STK32A: variants seen among roughly 807,000 people sequenced by gnomAD.
STK32A encodes the protein serine/threonine-protein kinase 32A.
STK32A carries 41 observed loss-of-function variants against 53.2 expected under a neutral mutation model. The observed-to-expected ratio is 0.77, with a 90% CI of 0.60 to 1.00. STK32A has a LOEUF of 1.00. STK32A is among the 50% of genes least tolerant of loss of function. The pLI is 0.00. For missense variants in STK32A, 458 were observed against 485.8 expected (o/e 0.94, Z 0.54); for synonymous variants, 166 against 162.8 (o/e 1.02, Z -0.15).
At chr5:147,292,992 A>G (rs1752676976) in intron 4 of STK32A, among the ~76,000 whole-genome samples, 1 of 152,236 alleles carries the variant, frequency 6.6e-6, no homozygotes, top group Non-Finnish European at 1.5e-5. Flanking sequence ...AAGTTTTTAC[A>G]TAATCCATTG....
At chr5:147,348,813 C>T (rs994578797) in intron 6 of STK32A, 49 of 716,356 alleles carry the variant, frequency 6.8e-5, no homozygotes, top group Admixed American at 1.4e-4. Flanking sequence ...AACAATTAAA[C>T]GCTTACTTCT....
chr5:147,286,881 G>A (rs2151958885), intron 4 of STK32A, among the ~76,000 whole-genome samples: 1 of 152,198 alleles, frequency 6.6e-6, no homozygotes, highest in Admixed American at 6.5e-5. Context: ...CTAGTTATTA[G>A]ATACTTTCTT....
At chr5:147,279,030 T>C (rs1330113721) in intron 3 of STK32A, among the ~76,000 whole-genome samples, 1 of 152,150 alleles carries the variant, frequency 6.6e-6, no homozygotes, top group African/African-American at 2.4e-5. Context: ...CCAGGCAAAA[T>C]TGTTTGAGAA....
intron 2 of STK32A, among the ~76,000 whole-genome samples, chr5:147,267,010 C>T (rs1754841106): frequency 7.2e-6 from 1 of 139,098 alleles, no homozygotes; most frequent in African/African-American, 2.7e-5. Flanking sequence ...GCCTGGGCAA[C>T]AAGATTGAAA....
At chr5:147,237,657 G>A (rs970261855) in intron 1 of STK32A, among the ~76,000 whole-genome samples, 3 of 152,050 alleles carry the variant, frequency 2.0e-5, no homozygotes, top group Admixed American at 6.6e-5. Context: ...CATTTAATTG[G>A]TTGCTTCCTA....
At chr5:147,347,605 G>A (rs977570539) in intron 6 of STK32A, among the ~76,000 whole-genome samples, 3 of 152,116 alleles carry the variant, frequency 2.0e-5, no homozygotes, top group South Asian at 2.1e-4. Context: ...AAATTATCAG[G>A]TCCAATATTT....
At chr5:147,357,961 G>A (rs542149991) in intron 7 of STK32A, among the ~76,000 whole-genome samples, 8 of 151,864 alleles carry the variant, frequency 5.3e-5, no homozygotes, top group African/African-American at 9.7e-5. Context: ...CATGGGATGC[G>A]GGACTCTTTC....
chr5:147,266,953 G>A (rs903873832), intron 2 of STK32A, among the ~76,000 whole-genome samples: 2 of 151,726 alleles, frequency 1.3e-5, no homozygotes, highest in Non-Finnish European at 2.9e-5. Context: ...AACCTGGGAG[G>A]CAGAGGTTGT....
intron 2 of STK32A, among the ~76,000 whole-genome samples, chr5:147,245,351 T>C (rs943742397): frequency 6.6e-6 from 1 of 152,234 alleles, no homozygotes; most frequent in African/African-American, 2.4e-5. Flanking sequence ...AAACCATTTT[T>C]TGTTTTCTGA....
At chr5:147,348,921 G>A (rs924633141) in intron 6 of STK32A, 1 of 538,746 alleles carries the variant, frequency 1.9e-6, no homozygotes, top group Non-Finnish European at 3.4e-6. Context: ...ACTTTACAGA[G>A]AGGATAAGTG....
chr5:147,324,095 C>CCA (rs753660537), intron 5 of STK32A, 24 bp downstream of exon 5: 1 of 1,574,940 alleles, frequency 6.3e-7, no homozygotes, highest in South Asian at 1.2e-5. Flanking sequence ...AAGGAGATGG[C>CCA]CATGAACGTA....
chr5:147,319,517 A>G (rs189964951), intron 4 of STK32A, among the ~76,000 whole-genome samples: 1 of 152,126 alleles, frequency 6.6e-6, no homozygotes, highest in African/African-American at 2.4e-5. Context: ...GTTATGGTGA[A>G]TGAATTAGGT....
intron 5 of STK32A, among the ~76,000 whole-genome samples, chr5:147,335,214 C>G (rs1438480956): frequency 6.6e-6 from 1 of 152,246 alleles, no homozygotes; most frequent in South Asian, 2.1e-4. Flanking sequence ...CATTACGACT[C>G]TATAAAGTAG....
chr5:147,378,189 C>T (rs1001836451), intron 11 of STK32A, among the ~76,000 whole-genome samples: 1 of 152,006 alleles, frequency 6.6e-6, no homozygotes, highest in African/African-American at 2.4e-5. Context: ...TGGTTAGATA[C>T]ACAAAGTGCT....
At chr5:147,273,511 G>A (rs1755134218) in intron 2 of STK32A, among the ~76,000 whole-genome samples, 1 of 152,076 alleles carries the variant, frequency 6.6e-6, no homozygotes, top group African/African-American at 2.4e-5. Context: ...TCAAATACTG[G>A]GTATGGCTTT....
At chr5:147,343,956 T>G (rs1426487023) in intron 6 of STK32A, among the ~76,000 whole-genome samples, 3 of 152,222 alleles carry the variant, frequency 2.0e-5, no homozygotes, top group Non-Finnish European at 4.4e-5. Context: ...AGAATAAGCT[T>G]TTGCCCGTGA....
intron 4 of STK32A, among the ~76,000 whole-genome samples, chr5:147,279,792 G>A (rs756667320): frequency 6.6e-6 from 1 of 152,046 alleles, no homozygotes; most frequent in Non-Finnish European, 1.5e-5. Context: ...GGTGCTGGTG[G>A]GTGTATGATT....
downstream of STK32A, chr5:147,392,045 C>A (rs1757825377): frequency 6.6e-6 from 1 of 152,208 alleles, no homozygotes; most frequent in African/African-American, 2.4e-5. Context: ...CCTCTATCTG[C>A]TGGCTGTGGC....
chr5:147,309,774 T>G (rs2151970317), intron 4 of STK32A, among the ~76,000 whole-genome samples: 1 of 152,312 alleles, frequency 6.6e-6, no homozygotes, highest in South Asian at 2.1e-4. Flanking sequence ...AACTACTAGT[T>G]CCTGTAAATA....
Sources: gnomAD v4.1 joint callset for allele counts (sites outside exome capture counted in the v4.1 genomes callset) on GRCh38, gnomAD v4.1.1 for gene constraint, MANE v1.5 for transcripts, NCBI Gene and HGNC (gene_info 2026-07-23, HGNC 2026-07-21) for gene names.